Variants in POFUT3 observed in about 807,000 individuals in gnomAD.
POFUT3 encodes GDP-fucose protein O-fucosyltransferase 3.
chr8:33,324,603 T>A, the POFUT3 span, among the ~76,000 whole-genome samples: 2 of 152,190 alleles, frequency 1.3e-5, no homozygotes, highest in Admixed American at 1.3e-4. Context: ...TAGTATCTAT[T>A]CATAAGGGTG....
the POFUT3 span, among the ~76,000 whole-genome samples, chr8:33,414,938 C>T: frequency 1.3e-5 from 2 of 151,208 alleles, no homozygotes; most frequent in African/African-American, 2.4e-5. Flanking sequence ...TCCCCCATCA[C>T]CAAACCCCAC....
the POFUT3 span, among the ~76,000 whole-genome samples, chr8:33,356,121 G>C: frequency 6.6e-6 from 1 of 152,074 alleles, no homozygotes; most frequent in Admixed American, 6.6e-5. Flanking sequence ...GAATAGAGCC[G>C]CAATAAACAT....
chr8:33,386,431 C>T, the POFUT3 span, among the ~76,000 whole-genome samples: 1 of 152,120 alleles, frequency 6.6e-6, no homozygotes. Flanking sequence ...GACATCCAAT[C>T]ATACTACCTT....
chr8:33,333,269 A>G, the POFUT3 span, among the ~76,000 whole-genome samples: 1 of 152,220 alleles, frequency 6.6e-6, no homozygotes, highest in African/African-American at 2.4e-5. Flanking sequence ...GAAGGAAAAC[A>G]GAGGCAGAGT....
chr8:33,431,547 C>CA, the POFUT3 span, among the ~76,000 whole-genome samples: 43 of 35,082 alleles, frequency 1.2e-3, 10 homozygotes, highest in Non-Finnish European at 2.3e-3. Context: ...GACCCTGTCT[C>CA]AAAAAAAAAA....
At chr8:33,425,532 G>A in the POFUT3 span, among the ~76,000 whole-genome samples, 1 of 151,954 alleles carries the variant, frequency 6.6e-6, no homozygotes, top group Non-Finnish European at 1.5e-5. Flanking sequence ...AAGGTCTAGG[G>A]TCTAGGTTAG....
At chr8:33,329,733 T>C in the POFUT3 span, among the ~76,000 whole-genome samples, 6 of 152,334 alleles carry the variant, frequency 3.9e-5, no homozygotes, top group Non-Finnish European at 8.8e-5. Flanking sequence ...TCTTGCAAGA[T>C]TTAATGTGTT....
chr8:33,433,436 C>T, the POFUT3 span, among the ~76,000 whole-genome samples: 2 of 151,754 alleles, frequency 1.3e-5, no homozygotes, highest in Admixed American at 6.6e-5. Flanking sequence ...CACGGTGAAA[C>T]CCCGTCTCTA....
the POFUT3 span, among the ~76,000 whole-genome samples, chr8:33,440,465 T>C: frequency 6.6e-6 from 1 of 152,190 alleles, no homozygotes; most frequent in Non-Finnish European, 1.5e-5. Context: ...GCTTGTTTTC[T>C]TTGCCACTAT....
the POFUT3 span, among the ~76,000 whole-genome samples, chr8:33,441,367 T>C: frequency 6.7e-6 from 1 of 150,070 alleles, no homozygotes; most frequent in East Asian, 1.9e-4. Flanking sequence ...TGTTTTAATA[T>C]TTTTTCCTGC....
the POFUT3 span, among the ~76,000 whole-genome samples, chr8:33,377,868 T>C: frequency 6.6e-6 from 1 of 152,180 alleles, no homozygotes; most frequent in South Asian, 2.1e-4. Flanking sequence ...CTTGAGCCCA[T>C]CAGGGAACTG....
chr8:33,376,841 A>G, the POFUT3 span, among the ~76,000 whole-genome samples: 1 of 152,176 alleles, frequency 6.6e-6, no homozygotes, highest in South Asian at 2.1e-4. Flanking sequence ...ATGCAAAACA[A>G]CTTTCAACTT....
the POFUT3 span, among the ~76,000 whole-genome samples, chr8:33,309,657 AG>A: frequency 6.6e-6 from 1 of 152,122 alleles, no homozygotes; most frequent in Non-Finnish European, 1.5e-5. Context: ...TTCTGTTTCT[AG>A]GTATCATCAT....
the POFUT3 span, among the ~76,000 whole-genome samples, chr8:33,357,056 G>A: frequency 3.9e-5 from 6 of 152,192 alleles, no homozygotes; most frequent in African/African-American, 1.2e-4. Context: ...CCAGTACCAT[G>A]CTGTTTTGGT....
the POFUT3 span, among the ~76,000 whole-genome samples, chr8:33,398,054 A>G: frequency 6.6e-6 from 1 of 152,248 alleles, no homozygotes; most frequent in East Asian, 1.9e-4. Context: ...CCATTAGCCA[A>G]TATTCAATCT....
the POFUT3 span, chr8:33,361,366 C>T: frequency 1.3e-5 from 2 of 152,204 alleles, no homozygotes; most frequent in African/African-American, 4.8e-5. Flanking sequence ...CTTGCCAGCT[C>T]ACTTCAAATG....
At chr8:33,312,235 C>T in the POFUT3 span, among the ~76,000 whole-genome samples, 15 of 149,884 alleles carry the variant, frequency 1.0e-4, no homozygotes, top group South Asian at 3.0e-3. Flanking sequence ...GCACTCCAGC[C>T]TGGGCAACAG....
the POFUT3 span, chr8:33,388,752 C>A: frequency 1.7e-6 from 1 of 580,040 alleles, no homozygotes; most frequent in Non-Finnish European, 3.1e-6. Context: ...AGAATGAAGG[C>A]TTTCAGGAAT....
the POFUT3 span, among the ~76,000 whole-genome samples, chr8:33,450,209 G>A: frequency 6.6e-6 from 1 of 152,136 alleles, no homozygotes; most frequent in Non-Finnish European, 1.5e-5. Context: ...CCAAAGTGCT[G>A]GGATTACAGG....
Sources: gnomAD v4.1 joint callset for allele counts (sites outside exome capture counted in the v4.1 genomes callset) on GRCh38, gnomAD v4.1.1 for gene constraint, MANE v1.5 for transcripts, NCBI Gene and HGNC (gene_info 2026-07-23, HGNC 2026-07-21) for gene names.